Variants in CNTNAP2 observed in about 807,000 individuals in gnomAD.
CNTNAP2 encodes the protein contactin associated protein 2, also known as contactin-associated protein-like 2.
CNTNAP2 carries 98 observed loss-of-function variants against 155.2 expected under a neutral mutation model. The ratio of observed to expected loss-of-function variants is 0.63; its 90% CI spans 0.54 to 0.75. CNTNAP2 has a LOEUF of 0.75. CNTNAP2 is among the 30% of genes least tolerant of loss of function. The probability of loss-of-function intolerance (pLI) is 0.00; values close to 1 mark genes in which losing one functional copy is unlikely to be tolerated. For missense variants in CNTNAP2, 1,727 were observed against 1,688.1 expected, an observed-to-expected ratio of 1.02 and a Z score of -0.40; for synonymous variants, 651 against 631.2, an observed-to-expected ratio of 1.03 and a Z score of -0.47.
At chr7:146,641,154 G>A (rs1363725835) in intron 1 of CNTNAP2, among the ~76,000 whole-genome samples, 2 of 152,004 alleles carry the variant, frequency 1.3e-5, no homozygotes, top group African/African-American at 2.4e-5. Flanking sequence ...GTGAAACCCC[G>A]TCTTTACTAA....
In CNTNAP2 at chr7:148,062,007, A is replaced by AG. The variant is rs1563185623; in HGVS notation, c.2384-56111_2384-56110insG. Among the ~76,000 whole-genome samples, 234 of 79,052 alleles carry AG rather than the reference A, an allele frequency of 3.0e-3. 7 individuals carry two copies. Among genetic ancestry groups the AG allele is most frequent in the African/African-American group, 6.0e-3 (102 of 17,110 alleles). 51.9% of individuals were successfully genotyped at this position (79,052 alleles called of 152,430 possible). A position where few individuals can be genotyped will look rare whatever the true frequency, so the allele number is the denominator to read the frequency against. On this transcript the variant is annotated intron_variant, in intron 15 of 23. Transcript: ENST00000361727. ...GATAGATAGATAGATAGATAGATAG[A>AG]TGATAGAGAGAGAGAGAGAGAGTGT... is the stretch of plus-strand genomic sequence containing the variant.
At chr7:147,805,527 T>A (rs1454808224) in intron 13 of CNTNAP2, among the ~76,000 whole-genome samples, 1 of 152,196 alleles carries the variant, frequency 6.6e-6, no homozygotes, top group African/African-American at 2.4e-5. Context: ...AGGCATTCAG[T>A]TTTTCCCTGC....
At chr7:146,301,164 G>T (rs1800602060) in intron 1 of CNTNAP2, among the ~76,000 whole-genome samples, 1 of 152,116 alleles carries the variant, frequency 6.6e-6, no homozygotes, top group South Asian at 2.1e-4. Flanking sequence ...ACAATTTAGG[G>T]ATAGTTGTGG....
At chr7:146,216,670 A>G (rs1799119089) in intron 1 of CNTNAP2, among the ~76,000 whole-genome samples, 2 of 152,200 alleles carry the variant, frequency 1.3e-5, no homozygotes. Flanking sequence ...TCTCTAGAAA[A>G]TCTGTTTTCC....
chr7:147,581,892 G>A (rs912975370), intron 12 of CNTNAP2, among the ~76,000 whole-genome samples: 1 of 152,006 alleles, frequency 6.6e-6, no homozygotes, highest in African/African-American at 2.4e-5. Context: ...AATAGTAAGG[G>A]CCTGCCTATT....
chr7:148,215,555 T>C (rs1795622098), intron 18 of CNTNAP2, among the ~76,000 whole-genome samples: 1 of 151,468 alleles, frequency 6.6e-6, no homozygotes, highest in African/African-American at 2.4e-5. Context: ...ATTTTGATTC[T>C]GACAACTTTC....
At chr7:147,907,686 T>C (rs556126585) in intron 14 of CNTNAP2, among the ~76,000 whole-genome samples, 2 of 152,322 alleles carry the variant, frequency 1.3e-5, no homozygotes, top group South Asian at 4.1e-4. Context: ...TGGCAAATTT[T>C]TGTGATCATT....
intron 20 of CNTNAP2, among the ~76,000 whole-genome samples, chr7:148,259,899 A>G (rs376850502): frequency 6.6e-6 from 1 of 152,366 alleles, no homozygotes; most frequent in Middle Eastern, 3.4e-3. Context: ...CCTGGGGTAC[A>G]TGGAGTCACA....
At chr7:146,956,293 A>T (rs944314330) in intron 3 of CNTNAP2, among the ~76,000 whole-genome samples, 2 of 152,144 alleles carry the variant, frequency 1.3e-5, no homozygotes, top group Middle Eastern at 3.2e-3. Flanking sequence ...GGTAATATCA[A>T]ATGGTTGCGT....
At chr7:146,159,141 A>C (rs1313728200) in intron 1 of CNTNAP2, among the ~76,000 whole-genome samples, 1 of 152,192 alleles carries the variant, frequency 6.6e-6, no homozygotes, top group African/African-American at 2.4e-5. Flanking sequence ...AGCCAAACTA[A>C]GCTTCATAAG....
chr7:147,373,222 CGTTTTAACCCATGAT>C (rs992233094), intron 9 of CNTNAP2, among the ~76,000 whole-genome samples: 3 of 151,942 alleles, frequency 2.0e-5, no homozygotes, highest in African/African-American at 7.3e-5. Context: ...AAGAATTTCC[CGTTTTAACCCATGAT>C]GGTGTTTGTA....
At chr7:146,720,950 T>G (rs1323838674) in intron 1 of CNTNAP2, among the ~76,000 whole-genome samples, 12 of 131,662 alleles carry the variant, frequency 9.1e-5, no homozygotes, top group African/African-American at 3.8e-4. Flanking sequence ...TCTCTATATA[T>G]TCTATATATA....
At chr7:147,687,498 A>G (rs1303968921) in intron 13 of CNTNAP2, among the ~76,000 whole-genome samples, 1 of 152,096 alleles carries the variant, frequency 6.6e-6, no homozygotes, top group Non-Finnish European at 1.5e-5. Context: ...GTAATCAAGG[A>G]AAAGAAGGAG....
chr7:146,285,211 A>G (rs1800307474), intron 1 of CNTNAP2, among the ~76,000 whole-genome samples: 1 of 152,184 alleles, frequency 6.6e-6, no homozygotes. Flanking sequence ...CCCTGTCGAT[A>G]TTGACTTCAT....
At chr7:148,081,067 A>G (rs1803594443) in intron 15 of CNTNAP2, among the ~76,000 whole-genome samples, 1 of 152,220 alleles carries the variant, frequency 6.6e-6, no homozygotes, top group Non-Finnish European at 1.5e-5. Flanking sequence ...CTGCAATGGA[A>G]ACAAGGATAA....
At chr7:147,002,254 T>C (rs1798439552) in intron 3 of CNTNAP2, among the ~76,000 whole-genome samples, 1 of 152,000 alleles carries the variant, frequency 6.6e-6, no homozygotes, top group African/African-American at 2.4e-5. Context: ...TAGAGACATG[T>C]AATTATGAAA....
chr7:148,370,909 T>G (rs1798875602), intron 21 of CNTNAP2, among the ~76,000 whole-genome samples: 1 of 152,130 alleles, frequency 6.6e-6, no homozygotes, highest in African/African-American at 2.4e-5. Context: ...TTCCCCACAT[T>G]CAGCATCCAC....
chr7:147,258,509 G>A (rs1804379943), intron 8 of CNTNAP2, among the ~76,000 whole-genome samples: 1 of 151,798 alleles, frequency 6.6e-6, no homozygotes, highest in African/African-American at 2.4e-5. Context: ...GCACAAGCAC[G>A]TATGATTGCA....
chr7:147,150,192 G>C (rs1473658626), intron 8 of CNTNAP2, among the ~76,000 whole-genome samples: 1 of 152,122 alleles, frequency 6.6e-6, no homozygotes, highest in Non-Finnish European at 1.5e-5. Flanking sequence ...ATTGGTATTG[G>C]AAGCCATAGA....
Sources: gnomAD v4.1 joint callset for allele counts (sites outside exome capture counted in the v4.1 genomes callset) on GRCh38, gnomAD v4.1.1 for gene constraint, MANE v1.5 for transcripts, NCBI Gene and HGNC (gene_info 2026-07-23, HGNC 2026-07-21) for gene names.